Variants in REV3L observed in about 807,000 individuals in gnomAD.
REV3L encodes the protein DNA polymerase zeta catalytic subunit.
A neutral mutation model predicts 299.4 loss-of-function variants in REV3L; 69 were observed. That is an observed-to-expected ratio of 0.23 (90% CI 0.19 to 0.28). The LOEUF is 0.28. Ranked by LOEUF, REV3L falls within the 10% of genes least tolerant of loss-of-function variation. REV3L has a pLI of 1.00. For missense variants in REV3L, 3,128 were observed against 3,693.8 expected (o/e 0.85, Z 3.97); for synonymous variants, 1,238 against 1,271.4 (o/e 0.97, Z 0.56).
At chr6:111,459,915 G>C (rs1790559701) in intron 1 of REV3L, among the ~76,000 whole-genome samples, 1 of 152,018 alleles carries the variant, frequency 6.6e-6, no homozygotes, top group Non-Finnish European at 1.5e-5. Flanking sequence ...TCCCATTACT[G>C]GGTATATACC....
intron 12 of REV3L, among the ~76,000 whole-genome samples, chr6:111,377,105 T>C (rs550198744): frequency 3.3e-5 from 5 of 152,224 alleles, no homozygotes; most frequent in Admixed American, 6.5e-5. Flanking sequence ...TTCAGTTTAT[T>C]ATTCTACTTG....
chr6:111,390,089 C>T lies in REV3L; in HGVS notation c.754G>A (p.Glu252Lys), dbSNP rs1477445921. 6.3e-7 allele frequency: 1 copy of T among 1,595,160 alleles called. No individual in the cohort carries two copies. Among genetic ancestry groups the T allele is most frequent in the East Asian group, 2.2e-5 (1 of 44,714 alleles). Reference sequence around the variant, plus strand: ...TTAAGAATAATTGTGTATGAACCTTCAATGTCCAGACGATTTAAGATATCA... The same window carrying T: ...TTAAGAATAATTGTGTATGAACCTTTAATGTCCAGACGATTTAAGATATCA... ...AADILNRLDI[E>K]AQIGGNPGLQ... Residue 252 changes from glutamate to lysine, a missense_variant, in exon 6 of 32, where the codon GAA (glutamate) becomes AAA (lysine). Coordinates refer to ENST00000368802, the MANE Select transcript of REV3L (RefSeq NM_001372078.1).
Position 111,483,010 on chromosome 6 carries a change from T to C in REV3L, c.-122A>G. 8.3e-7 allele frequency: 1 copy of C among 1,200,986 alleles called. No individual in the cohort carries two copies. Among genetic ancestry groups the C allele is most frequent in the Non-Finnish European group, 1.1e-6 (1 of 921,078 alleles). 74.4% of individuals were successfully genotyped at this position (1,200,986 alleles called of 1,614,324 possible). A position where few individuals can be genotyped will look rare whatever the true frequency, so the allele number is the denominator to read the frequency against. On this transcript the variant is annotated 5_prime_UTR_variant, in exon 1 of 32. Coordinates refer to ENST00000368802, the MANE Select transcript of REV3L (RefSeq NM_001372078.1). Reference sequence around the variant, plus strand: ...CCCTTCTCGGCACGGCCCCCTCCCCTCACACAGAGGCACCTCGAGGAGCGG... The same window carrying C: ...CCCTTCTCGGCACGGCCCCCTCCCCCCACACAGAGGCACCTCGAGGAGCGG...
intron 1 of REV3L, among the ~76,000 whole-genome samples, chr6:111,423,045 A>G (rs1156407695): frequency 2.0e-5 from 3 of 152,128 alleles, no homozygotes; most frequent in Non-Finnish European, 4.4e-5. Context: ...AGTGCAGGGT[A>G]TAGTTGGTTC....
At chr6:111,331,870 A>AG in intron 23 of REV3L, 86 bp from the exon 24 acceptor site, 1 of 834,348 alleles carries the variant, frequency 1.2e-6, no homozygotes, top group East Asian at 2.6e-5. Flanking sequence ...TTCTAACTCC[A>AG]TTAGAAATTC....
In REV3L at chr6:111,422,611, TACACATATATATATATATAC is replaced by T. The variant is rs1562287001; in HGVS notation, c.140-6159_140-6140del. Among the ~76,000 whole-genome samples the T allele has an allele frequency of 9.6e-3, 262 of 27,288 alleles. 35 individuals are homozygous for T. The highest frequency in any genetic ancestry group is 0.026 in the South Asian group (17 of 664). 17.9% of individuals were successfully genotyped at this position (27,288 alleles called of 152,430 possible). Reference sequence around the variant, plus strand: ...ATATATATACACATATATATATATATACACATATATATATATATACACATATATATATATATACATATATA... The same window carrying T: ...ATATATATACACATATATATATATATACATATATATATATATACATATATA... On this transcript the variant is annotated intron_variant, in intron 1 of 31. Coordinates refer to ENST00000368802, the MANE Select transcript of REV3L (RefSeq NM_001372078.1).
intron 25 of REV3L, among the ~76,000 whole-genome samples, chr6:111,324,125 G>A (rs552743028): frequency 6.6e-6 from 1 of 152,166 alleles, no homozygotes; most frequent in Non-Finnish European, 1.5e-5. Context: ...TCAGTCTCCC[G>A]AATAGCTGGG....
At chr6:111,436,929 C>A (rs1260812753) in intron 1 of REV3L, among the ~76,000 whole-genome samples, 1 of 152,050 alleles carries the variant, frequency 6.6e-6, no homozygotes, top group Non-Finnish European at 1.5e-5. Flanking sequence ...ATAAAAAATA[C>A]TAAATATTAT....
intron 16 of REV3L, chr6:111,360,520 G>A (rs894410133): frequency 2.1e-5 from 3 of 142,892 alleles, no homozygotes; most frequent in Non-Finnish European, 3.0e-5. Flanking sequence ...CTGTTGCCCA[G>A]GCTGGAATGC....
chr6:111,367,048 C>T, intron 14 of REV3L, 67 bp downstream of exon 14: 2 of 1,304,342 alleles, frequency 1.5e-6, no homozygotes, highest in South Asian at 1.5e-5. Context: ...TCATTACAGT[C>T]TAATGTTATC....
rs1213082191 is a variant in REV3L, at chr6:111,343,773, G to C, written c.7538+152C>G. The C allele has an allele frequency of 8.6e-6, 4 of 465,994 alleles. No individual in the cohort carries two copies. In the East Asian group the frequency reaches 1.4e-4, roughly 16 times the overall value. 28.9% of individuals were successfully genotyped at this position (465,994 alleles called of 1,614,324 possible). On this transcript the variant is annotated intron_variant, in intron 21 of 31. Transcript: ENST00000368802. The stretch of plus-strand genomic sequence containing the variant: ...TCGAACTCCTGATGTCAGGTGATGT[G>C]CCCGCCTCGGCCTCCCAATGTGCTA...
Position 111,408,636 on chromosome 6 carries a change from AC to A in REV3L, c.404+2843del, listed in dbSNP as rs1336495722. Among the ~76,000 whole-genome samples the A allele has an allele frequency of 2.5e-3, 373 of 151,834 alleles. 10 individuals are homozygous for A. In the East Asian group the frequency reaches 0.051, roughly 21 times the overall value. On this transcript the variant is annotated intron_variant, in intron 3 of 31. Coordinates refer to ENST00000368802, the MANE Select transcript of REV3L (RefSeq NM_001372078.1). The stretch of plus-strand genomic sequence containing the variant: ...ACAAAACAAAACAAAACAAAACAAA[AC>A]AAAACAAAACAAAAACAACATTATT...
intron 31 of REV3L, among the ~76,000 whole-genome samples, chr6:111,303,169 T>TTTCTTTCTTTC (rs1562474494): frequency 1.6e-4 from 2 of 12,834 alleles, no homozygotes; most frequent in African/African-American, 4.7e-4. Context: ...TTCTTTCTTT[T>TTTCTTTCTTTC]TTTTTTTTTT....
At chr6:111,408,074 A>C (rs974059475) in intron 3 of REV3L, among the ~76,000 whole-genome samples, 6 of 152,206 alleles carry the variant, frequency 3.9e-5, no homozygotes, top group African/African-American at 1.2e-4. Context: ...TTTTATTAAT[A>C]TTAAAATGGA....
chr6:111,364,083 T>G, intron 15 of REV3L, 105 bp from the exon 16 acceptor site: 1 of 1,425,778 alleles, frequency 7.0e-7, no homozygotes, highest in Non-Finnish European at 9.4e-7. Flanking sequence ...TGTTTAGTAA[T>G]AAATGGTAAA....
At chr6:111,483,604 C>T, upstream of REV3L, 1 of 449,266 alleles carries the variant, frequency 2.2e-6, no homozygotes, top group East Asian at 8.0e-5. Flanking sequence ...CTTGCCTCGC[C>T]GACCGCCATT....
rs1373673055 is a variant in REV3L, at chr6:111,299,987, A to T, written c.*29T>A. ...TTTAGTGGTAAGCACTGAAAAAAATAGCACCTGTAATACTGTGATATTGAC... is the reference window on the plus strand; with the variant it reads ...TTTAGTGGTAAGCACTGAAAAAAATTGCACCTGTAATACTGTGATATTGAC... On this transcript the variant is annotated 3_prime_UTR_variant, in exon 32 of 32. Transcript: ENST00000368802. The T allele has an allele frequency of 3.8e-6, 6 of 1,592,644 alleles. No homozygotes were observed. Among genetic ancestry groups the T allele is most frequent in the African/African-American group, 1.4e-5 (1 of 73,862 alleles).
rs537435149 is a variant in REV3L, at chr6:111,301,821, A to T, written c.9253-1665T>A. ...AAAGTCTCAAGTTGCATATATAGTT[A>T]AAAAAAAGGTTATAAAACATGAAGA... On this transcript the variant is annotated intron_variant, in intron 31 of 31. Coordinates refer to ENST00000368802, the MANE Select transcript of REV3L (RefSeq NM_001372078.1). Among the ~76,000 whole-genome samples the T allele has an allele frequency of 2.0e-3, 300 of 149,048 alleles. 1 individual carries two copies. Among genetic ancestry groups the T allele is most frequent in the African/African-American group, 7.6e-3 (293 of 38,602 alleles).
At chr6:111,410,465 G>A (rs927236416) in intron 3 of REV3L, among the ~76,000 whole-genome samples, 4 of 152,304 alleles carry the variant, frequency 2.6e-5, no homozygotes, top group Non-Finnish European at 4.4e-5. Context: ...AGGGAAAAAT[G>A]ACTGAGGTTT....
Sources: gnomAD v4.1 joint callset for allele counts (sites outside exome capture counted in the v4.1 genomes callset) on GRCh38, gnomAD v4.1.1 for gene constraint, MANE v1.5 for transcripts, NCBI Gene and HGNC (gene_info 2026-07-23, HGNC 2026-07-21) for gene names.